The following CSMD3 variants were observed in gnomAD, a reference collection of about 807,000 sequenced individuals.
CSMD3 encodes CUB and sushi domain-containing protein 3.
A neutral mutation model predicts 435.2 loss-of-function variants in CSMD3; 177 were observed. That is an observed-to-expected ratio of 0.41 (90% CI 0.36 to 0.46). The LOEUF is 0.46. CSMD3 is among the 20% of genes least tolerant of loss of function. The pLI is 0.34. For missense variants in CSMD3, 4,265 were observed against 4,504.6 expected, an observed-to-expected ratio of 0.95 and a Z score of 1.52; for synonymous variants, 1,656 against 1,520.5, an observed-to-expected ratio of 1.09 and a Z score of -2.07.
At chr8:112,265,291 A>G in intron 60 of CSMD3, 120 bp downstream of exon 60, 1 of 542,104 alleles carries the variant, frequency 1.8e-6, no homozygotes, top group Non-Finnish European at 3.0e-6. Context: ...TTAGTACTAG[A>G]AAAATAAATG....
chr8:112,735,222 T>C (rs1439015341), intron 13 of CSMD3, among the ~76,000 whole-genome samples: 1 of 152,046 alleles, frequency 6.6e-6, no homozygotes, highest in Non-Finnish European at 1.5e-5. Flanking sequence ...TGAGCTGAAG[T>C]TGGTTATTTA....
In CSMD3 at chr8:112,651,794, C is replaced by T. The variant is rs567008680; in HGVS notation, c.3005-1445G>A. Among the ~76,000 whole-genome samples, 18 of 152,000 alleles carry T rather than the reference C, an allele frequency of 1.2e-4. No individual in the cohort carries two copies. The East Asian group carries it at 2.9e-3, about 25-fold the overall frequency. ...CTTGTGATCTTCCTGCATCAGTCTT[C>T]CAAAGTGCTGGGATTACAGGCGTGA... is the stretch of plus-strand genomic sequence containing the variant. On this transcript the variant is annotated intron_variant, in intron 18 of 70. Transcript: ENST00000297405.
chr8:112,528,734 G>C (rs1212526801), intron 27 of CSMD3, among the ~76,000 whole-genome samples: 1 of 152,112 alleles, frequency 6.6e-6, no homozygotes, highest in African/African-American at 2.4e-5. Context: ...AAAACTAGCA[G>C]AGAGATCCAG....
At chr8:112,432,377 C>G (rs942868790) in intron 32 of CSMD3, among the ~76,000 whole-genome samples, 1 of 152,104 alleles carries the variant, frequency 6.6e-6, no homozygotes, top group African/African-American at 2.4e-5. Context: ...CATCATATCT[C>G]ACTGCAGCTT....
intron 11 of CSMD3, among the ~76,000 whole-genome samples, chr8:112,856,675 C>G (rs1029061079): frequency 3.9e-5 from 6 of 151,914 alleles, no homozygotes; most frequent in African/African-American, 1.2e-4. Context: ...TTAATTTCAT[C>G]AAGTTTTAAA....
intron 10 of CSMD3, among the ~76,000 whole-genome samples, chr8:112,872,157 A>G (rs1017385141): frequency 3.9e-5 from 6 of 152,052 alleles, no homozygotes; most frequent in African/African-American, 1.4e-4. Flanking sequence ...GATAAAACCT[A>G]TTTAAATCAG....
Position 112,492,649 on chromosome 8 carries a change from A to G in CSMD3, c.5118T>C (p.Asn1706=), listed in dbSNP as rs1479248733. 3.1e-6 allele frequency: 5 copies of G among 1,613,828 alleles called. No homozygotes were observed. Among genetic ancestry groups the G allele is most frequent in the African/African-American group, 1.3e-5 (1 of 74,932 alleles). ...TTCCAAGTCTGGTGCCATTCATTAT[A>G]TTGCCTGGATCAAAGCAGGACTCTC... The part of the protein sequence containing the change: ...KLRESCFDPG[N]IMNGTRLGMD... Residue 1706 remains asparagine, a synonymous_variant, in exon 31 of 71, where the codon AAT becomes AAC. Coordinates refer to ENST00000297405, the MANE Select transcript of CSMD3 (RefSeq NM_198123.2).
chr8:112,241,670 G>C (rs377298351), intron 66 of CSMD3, 50 bp downstream of exon 66: 15 of 1,250,174 alleles, frequency 1.2e-5, no homozygotes, highest in Non-Finnish European at 1.8e-5. Flanking sequence ...GAAAATAGTA[G>C]ACCATTTTTA....
intron 1 of CSMD3, among the ~76,000 whole-genome samples, chr8:113,352,633 T>C (rs998915633): frequency 6.6e-6 from 1 of 152,136 alleles, no homozygotes; most frequent in Non-Finnish European, 1.5e-5. Context: ...ACAATGGCTC[T>C]CTTTAGGAGA....
intron 3 of CSMD3, among the ~76,000 whole-genome samples, chr8:113,224,060 T>C (rs1021509643): frequency 6.6e-6 from 1 of 151,162 alleles, no homozygotes; most frequent in African/African-American, 2.4e-5. Context: ...TCCCATCAGA[T>C]AGACCAGATA....
chr8:112,818,017 TA>T lies in CSMD3; in HGVS notation c.1859+11668del, dbSNP rs548489419. 9.8e-4 allele frequency among the ~76,000 whole-genome samples: 149 copies of T among 151,992 alleles called. 1 individual carries two copies. Among genetic ancestry groups the T allele is most frequent in the Non-Finnish European group, 1.6e-3 (107 of 67,918 alleles). The stretch of plus-strand genomic sequence containing the variant: ...ATAAAAAAAGAAATTTTATAATTAA[TA>T]TTTTTTTATGCTTTGTAACTGATTT... On this transcript the variant is annotated intron_variant, in intron 12 of 70. Coordinates refer to ENST00000297405, the MANE Select transcript of CSMD3 (RefSeq NM_198123.2).
intron 54 of CSMD3, among the ~76,000 whole-genome samples, chr8:112,294,731 T>C (rs1448101802): frequency 6.6e-6 from 1 of 152,176 alleles, no homozygotes; most frequent in Non-Finnish European, 1.5e-5. Flanking sequence ...ATTCTTCATC[T>C]GTGAATTCAT....
chr8:112,290,237 G>T (rs1429550171), intron 56 of CSMD3, among the ~76,000 whole-genome samples: 2 of 152,020 alleles, frequency 1.3e-5, no homozygotes, highest in Non-Finnish European at 2.9e-5. Context: ...TGTACTCAGA[G>T]AAATACTGAG....
At chr8:112,989,280 A>AT (rs1266625576) in intron 6 of CSMD3, among the ~76,000 whole-genome samples, 8 of 151,976 alleles carry the variant, frequency 5.3e-5, no homozygotes, top group Non-Finnish European at 7.4e-5. Context: ...GATTACACAG[A>AT]TTTTTTTCTT....
In CSMD3 at chr8:112,854,538, T is replaced by C. The variant is rs529674131; in HGVS notation, c.1755+4607A>G. On this transcript the variant is annotated intron_variant, in intron 11 of 70. Coordinates refer to ENST00000297405, the MANE Select transcript of CSMD3 (RefSeq NM_198123.2). Reference sequence around the variant, plus strand: ...TCAGAGAACAAGAGACCGTCTATGGTGAACCTGTAGCACTGGGCAGGTATG... The same window carrying C: ...TCAGAGAACAAGAGACCGTCTATGGCGAACCTGTAGCACTGGGCAGGTATG... Among the ~76,000 whole-genome samples the C allele has an allele frequency of 7.2e-5, 11 of 152,228 alleles. No homozygotes were observed. The East Asian group carries it at 2.1e-3, about 29-fold the overall frequency.
chr8:112,333,203 T>C (rs1315583151), intron 45 of CSMD3, among the ~76,000 whole-genome samples: 1 of 152,174 alleles, frequency 6.6e-6, no homozygotes, highest in Non-Finnish European at 1.5e-5. Context: ...GCTTCACTCT[T>C]GTTGCCCACG....
chr8:113,215,283 T>C lies in CSMD3; in HGVS notation c.515-41367A>G, dbSNP rs989998875. On this transcript the variant is annotated intron_variant, in intron 3 of 70. Coordinates refer to ENST00000297405, the MANE Select transcript of CSMD3 (RefSeq NM_198123.2). Reference sequence around the variant, plus strand: ...AATTAAGCCAAGGCAGTGGTCAACATAGGCTTCAAGAGTTTCTACTTACTA... The same window carrying C: ...AATTAAGCCAAGGCAGTGGTCAACACAGGCTTCAAGAGTTTCTACTTACTA... Among the ~76,000 whole-genome samples the C allele has an allele frequency of 2.6e-5, 4 of 151,874 alleles. No individual in the cohort carries two copies. The South Asian group carries it at 6.2e-4, about 24-fold the overall frequency.
Position 113,015,064 on chromosome 8 carries a change from G to T in CSMD3, c.1030+4003C>A, listed in dbSNP as rs568715900. On this transcript the variant is annotated intron_variant, in intron 6 of 70. Transcript: ENST00000297405. Reference sequence around the variant, plus strand: ...ATCCCCCAAAATCTTATTTACCTTTGTTCAGTAACTGTACACAGGTATTTA... The same window carrying T: ...ATCCCCCAAAATCTTATTTACCTTTTTTCAGTAACTGTACACAGGTATTTA... Among the ~76,000 whole-genome samples, 5 of 151,914 alleles carry T rather than the reference G, an allele frequency of 3.3e-5. No homozygotes were observed. The South Asian group carries it at 1.0e-3, about 32-fold the overall frequency.
chr8:113,186,483 T>C (rs1203298845), intron 3 of CSMD3, among the ~76,000 whole-genome samples: 1 of 151,988 alleles, frequency 6.6e-6, no homozygotes, highest in Non-Finnish European at 1.5e-5. Context: ...AGCAACCCTT[T>C]GTTGGTCAAT....
Sources: gnomAD v4.1 joint callset for allele counts (sites outside exome capture counted in the v4.1 genomes callset) on GRCh38, gnomAD v4.1.1 for gene constraint, MANE v1.5 for transcripts, NCBI Gene and HGNC (gene_info 2026-07-23, HGNC 2026-07-21) for gene names.